Variants in COBL observed in about 807,000 individuals in gnomAD.
COBL encodes the protein protein cordon-bleu.
COBL carries 51 observed loss-of-function variants against 98.8 expected under a neutral mutation model. The ratio of observed to expected loss-of-function variants is 0.52; its 90% CI spans 0.41 to 0.65. COBL has a LOEUF of 0.65. Among genes scored for constraint, COBL ranks in the 30% least tolerant of loss-of-function variants. The pLI is 0.00. For missense variants in COBL, 1,617 were observed against 1,617.5 expected (o/e 1.00, Z 0.01); for synonymous variants, 634 against 651.7 (o/e 0.97, Z 0.41).
intron 1 of COBL, among the ~76,000 whole-genome samples, chr7:51,242,005 T>C (rs974263203): frequency 2.0e-5 from 3 of 152,198 alleles, no homozygotes; most frequent in Non-Finnish European, 2.9e-5. Context: ...TCCCCTTTCC[T>C]GCGTACAGAT....
chr7:51,068,493 T>C (rs1232513661), intron 7 of COBL, among the ~76,000 whole-genome samples: 1 of 152,232 alleles, frequency 6.6e-6, no homozygotes. Flanking sequence ...AACTTTCCCA[T>C]TCGATGTACA....
chr7:51,259,218 T>G (rs1187325682), intron 1 of COBL, among the ~76,000 whole-genome samples: 1 of 129,278 alleles, frequency 7.7e-6, no homozygotes, highest in East Asian at 2.3e-4. Context: ...ACCTGGGAGG[T>G]GGAGGTTGCA....
In COBL at chr7:51,016,375, C is replaced by T. The variant is rs1370855230; in HGVS notation, c.*1176G>A. The T allele has an allele frequency of 1.3e-5, 2 of 152,234 alleles. No homozygotes were observed. The highest frequency in any genetic ancestry group is 2.9e-5 in the Non-Finnish European group (2 of 68,058). The allele number at this position is 152,234 out of a possible 1,614,324, so 9.4% of individuals were successfully genotyped here. On this transcript the variant is annotated 3_prime_UTR_variant, in exon 13 of 13. Coordinates refer to ENST00000265136, the MANE Select transcript of COBL (RefSeq NM_015198.5). ...GCCTAGATCTGAGATCGCTGTGAAACATTAAAGTGACCTCACCATACTTGT... is the reference window on the plus strand; with the variant it reads ...GCCTAGATCTGAGATCGCTGTGAAATATTAAAGTGACCTCACCATACTTGT...
intron 6 of COBL, among the ~76,000 whole-genome samples, chr7:51,117,835 A>G (rs959365439): frequency 1.1e-4 from 16 of 152,234 alleles, no homozygotes; most frequent in African/African-American, 3.6e-4. Flanking sequence ...CATATTCCTC[A>G]GGAGACTGTA....
chr7:51,223,548 ATTC>A (rs2129093604), intron 1 of COBL, among the ~76,000 whole-genome samples: 2 of 152,260 alleles, frequency 1.3e-5, no homozygotes, highest in Admixed American at 1.3e-4. Flanking sequence ...GACCTGAACC[ATTC>A]TTCAATATCC....
chr7:51,170,331 T>C (rs904063830), intron 5 of COBL, among the ~76,000 whole-genome samples: 18 of 151,994 alleles, frequency 1.2e-4, no homozygotes, highest in African/African-American at 4.1e-4. Flanking sequence ...TTCTGCTTCA[T>C]TGAGCTAGTA....
intron 7 of COBL, among the ~76,000 whole-genome samples, chr7:51,053,031 TA>T (rs966894159): frequency 2.6e-5 from 4 of 152,218 alleles, no homozygotes; most frequent in African/African-American, 9.6e-5. Flanking sequence ...TGGCTGCCTT[TA>T]ACTGCATTTC....
intron 6 of COBL, among the ~76,000 whole-genome samples, chr7:51,098,512 A>G (rs1016697076): frequency 2.0e-5 from 3 of 152,200 alleles, no homozygotes; most frequent in Admixed American, 2.0e-4. Flanking sequence ...CACAATGTGG[A>G]AGATAGTTTC....
At chr7:51,086,647 AGT>A (rs1043581462) in intron 6 of COBL, among the ~76,000 whole-genome samples, 24 of 124,008 alleles carry the variant, frequency 1.9e-4, no homozygotes, top group Non-Finnish European at 3.3e-4. Flanking sequence ...AGAGAGAGAG[AGT>A]GTGTGTGTGT....
At chr7:51,298,488 G>T (rs1801620945) in intron 1 of COBL, among the ~76,000 whole-genome samples, 1 of 152,172 alleles carries the variant, frequency 6.6e-6, no homozygotes, top group Non-Finnish European at 1.5e-5. Context: ...TCTGAGCTCT[G>T]ACCTCCTAAC....
chr7:51,253,304 A>C (rs751622250), intron 1 of COBL, among the ~76,000 whole-genome samples: 1 of 152,068 alleles, frequency 6.6e-6, no homozygotes, highest in Admixed American at 6.6e-5. Flanking sequence ...AACACTTCAG[A>C]CTCCTGAATC....
At position 51,028,023 on chromosome 7, in the gene COBL, G is replaced by T. The variant is rs770049726; in HGVS notation, c.3073C>A (p.His1025Asn). ...CTGCAGGCCTGAGTGTCAGATGTGT[G>T]TGGAGGGGGTGGGTCTGTACCATCA... ...APDGTDPPPP[H>N]TSDTQACSRE... The change falls in exon 10 of 13, where the codon CAC becomes AAC. Residue 1025 changes from histidine (H) to asparagine (N), a missense_variant. By Grantham distance (68) the His-to-Asn change is moderately conservative. This residue lies in a region of COBL where 1,304 missense variants were observed against 1,282.0 expected (regional missense o/e 1.02). Transcript: ENST00000265136. 1 of 1,604,742 alleles carries T rather than the reference G, an allele frequency of 6.2e-7. No homozygotes were observed. The highest frequency in any genetic ancestry group is 1.1e-5 in the South Asian group (1 of 88,920).
intron 1 of COBL, among the ~76,000 whole-genome samples, chr7:51,239,857 G>T (rs55893838): frequency 0.17 from 26,304 of 152,102 alleles, 2,860 homozygotes; most frequent in Middle Eastern, 0.32. Context: ...CTAGATCAGG[G>T]ATCAGCAACA....
At position 51,309,174 on chromosome 7, in the gene COBL, G is replaced by A. The variant is rs138570116; in HGVS notation, c.41+7419C>T. Among the ~76,000 whole-genome samples, 868 of 152,238 alleles carry A rather than the reference G, an allele frequency of 5.7e-3. 6 individuals carry two copies. The highest frequency in any genetic ancestry group is 7.8e-3 in the Non-Finnish European group (530 of 68,012). On this transcript the variant is annotated intron_variant, in intron 1 of 12. Transcript: ENST00000265136. Reference sequence around the variant, plus strand: ...CTCTGATCCCCCCTGCCTCCAAGCTGCCCTTTTAAGGACGATGTGATTATG... The same window carrying A: ...CTCTGATCCCCCCTGCCTCCAAGCTACCCTTTTAAGGACGATGTGATTATG...
intron 7 of COBL, among the ~76,000 whole-genome samples, chr7:51,077,414 G>A (rs1793195863): frequency 6.6e-6 from 1 of 152,166 alleles, no homozygotes; most frequent in African/African-American, 2.4e-5. Flanking sequence ...GACTCTGCAA[G>A]TTGTCCTGAC....
At chr7:51,147,284 T>C (rs1299084022) in intron 5 of COBL, among the ~76,000 whole-genome samples, 1 of 152,220 alleles carries the variant, frequency 6.6e-6, no homozygotes, top group East Asian at 1.9e-4. Flanking sequence ...CTCAGCCTTG[T>C]ATGGGTCACA....
At chr7:51,099,302 A>G (rs1463104268) in intron 6 of COBL, among the ~76,000 whole-genome samples, 1 of 152,214 alleles carries the variant, frequency 6.6e-6, no homozygotes, top group Non-Finnish European at 1.5e-5. Context: ...TTTCAAAGAG[A>G]TGTGTTCTTG....
intron 6 of COBL, among the ~76,000 whole-genome samples, chr7:51,127,357 C>T (rs184397956): frequency 1.3e-5 from 2 of 152,216 alleles, no homozygotes; most frequent in African/African-American, 2.4e-5. Context: ...CTGCTGCCCA[C>T]AACTAAACAG....
intron 2 of COBL, among the ~76,000 whole-genome samples, chr7:51,205,666 A>C (rs1791626069): frequency 6.9e-6 from 1 of 145,654 alleles, no homozygotes; most frequent in African/African-American, 2.5e-5. Context: ...TTTTTTACAG[A>C]TATGACACTA....
Sources: gnomAD v4.1 joint callset for allele counts (sites outside exome capture counted in the v4.1 genomes callset) on GRCh38, gnomAD v4.1.1 for gene constraint, gnomAD v4.1.1 regional missense constraint, MANE v1.5 for transcripts, NCBI Gene and HGNC (gene_info 2026-07-23, HGNC 2026-07-21) for gene names.